The following COMMD1 variants were observed in gnomAD, a reference collection of about 807,000 sequenced individuals.
COMMD1 encodes the protein COMM domain-containing protein 1.
In COMMD1, 10 loss-of-function variants were observed where a neutral mutation model predicts 17.2. The ratio of observed to expected loss-of-function variants is 0.58; its 90% CI spans 0.36 to 0.99. The LOEUF (loss-of-function observed/expected upper bound fraction) is 0.99. Among genes scored for constraint, COMMD1 ranks in the 50% least tolerant of loss-of-function variants. The probability of loss-of-function intolerance (pLI) is 0.01; values close to 1 mark genes in which losing one functional copy is unlikely to be tolerated. For missense variants in COMMD1, 270 were observed against 231.8 expected, an observed-to-expected ratio of 1.17 and a Z score of -1.07; for synonymous variants, 97 against 91.6, an observed-to-expected ratio of 1.06 and a Z score of -0.34.
chr2:62,021,138 A>G (rs1669602696), intron 2 of COMMD1, among the ~76,000 whole-genome samples: 1 of 152,192 alleles, frequency 6.6e-6, no homozygotes, highest in African/African-American at 2.4e-5. Context: ...TGAATTTTAT[A>G]GCTGTGTCCT....
chr2:62,010,655 C>T (rs1240156695), intron 2 of COMMD1, among the ~76,000 whole-genome samples: 1 of 152,136 alleles, frequency 6.6e-6, no homozygotes, highest in Non-Finnish European at 1.5e-5. Flanking sequence ...GTTAGTGGCA[C>T]CTCCATTCTT....
chr2:61,892,240 A>G (rs1669450246), intron 1 of COMMD1, among the ~76,000 whole-genome samples: 1 of 152,024 alleles, frequency 6.6e-6, no homozygotes, highest in Non-Finnish European at 1.5e-5. Flanking sequence ...GAATGTTGGC[A>G]ATAACAATAC....
chr2:62,077,523 TCCCACAC>T (rs1398571733), intron 2 of COMMD1, among the ~76,000 whole-genome samples: 1 of 152,140 alleles, frequency 6.6e-6, no homozygotes. Flanking sequence ...TTGTATAGCC[TCCCACAC>T]ATCCCTATTA....
chr2:62,053,881 C>T (rs1239840782), intron 2 of COMMD1, among the ~76,000 whole-genome samples: 3 of 152,108 alleles, frequency 2.0e-5, no homozygotes, highest in African/African-American at 7.2e-5. Flanking sequence ...ACTTTCTGCA[C>T]AGCGAAAGAA....
chr2:61,955,392 C>G (rs1671172156), intron 1 of COMMD1, among the ~76,000 whole-genome samples: 1 of 152,016 alleles, frequency 6.6e-6, no homozygotes, highest in South Asian at 2.1e-4. Context: ...GTAGCTGGTA[C>G]TAGAGGCATG....
intron 2 of COMMD1, among the ~76,000 whole-genome samples, chr2:62,044,136 TTAAA>T (rs1670310822): frequency 6.6e-6 from 1 of 152,240 alleles, no homozygotes; most frequent in South Asian, 2.1e-4. Flanking sequence ...CTTGTTTATG[TTAAA>T]TATGTCAGTA....
At chr2:61,908,955 G>T (rs1239393458) in intron 1 of COMMD1, among the ~76,000 whole-genome samples, 1 of 151,850 alleles carries the variant, frequency 6.6e-6, no homozygotes, top group African/African-American at 2.4e-5. Context: ...ACGGAGTATC[G>T]CTCTTGTTGC....
At chr2:61,922,870 C>T (rs1042059872) in intron 1 of COMMD1, among the ~76,000 whole-genome samples, 1 of 152,214 alleles carries the variant, frequency 6.6e-6, no homozygotes, top group African/African-American at 2.4e-5. Context: ...TCCATAGAAC[C>T]ACCATTGACT....
Position 61,905,689 on chromosome 2 carries a change from G to C in COMMD1, c.11G>C (p.Gly4Ala). 6.4e-7 allele frequency: 1 copy of C among 1,566,048 alleles called. No homozygotes were observed. Among genetic ancestry groups the C allele is most frequent in the Non-Finnish European group, 8.7e-7 (1 of 1,153,442 alleles). Reference protein sequence around the residue: MAAGELEGGKPLSG... With the variant: MAAAELEGGKPLSG... ...GGGCCTTCGCAGAGCATGGCGGCGG[G>C]CGAGCTTGAGGGTGGCAAACCCCTG... The change falls in exon 1 of 3, where the codon GGC (glycine) becomes GCC (alanine). Residue 4 changes from glycine (G) to alanine (A), a missense_variant. Physicochemically the swap from Gly to Ala is moderately conservative, Grantham distance 60 (BLOSUM62 0). Coordinates refer to ENST00000311832, the MANE Select transcript of COMMD1 (RefSeq NM_152516.4).
At chr2:61,949,876 C>T (rs968767515) in intron 1 of COMMD1, among the ~76,000 whole-genome samples, 13 of 152,240 alleles carry the variant, frequency 8.5e-5, no homozygotes, top group African/African-American at 3.1e-4. Context: ...ATCTCAGGCC[C>T]CCAGGCCACT....
chr2:62,030,671 T>G (rs533498721), intron 2 of COMMD1, among the ~76,000 whole-genome samples: 114 of 152,344 alleles, frequency 7.5e-4, no homozygotes, highest in African/African-American at 2.6e-3. Context: ...AACATCACTT[T>G]TTATCTCTTT....
intron 2 of COMMD1, among the ~76,000 whole-genome samples, chr2:62,115,433 C>A (rs1258850114): frequency 6.6e-6 from 1 of 152,052 alleles, no homozygotes; most frequent in Non-Finnish European, 1.5e-5. Context: ...TTAATCTAGG[C>A]CTTGAAAGAT....
chr2:62,005,528 G>A (rs1161225130), intron 2 of COMMD1, among the ~76,000 whole-genome samples: 1 of 152,130 alleles, frequency 6.6e-6, no homozygotes, highest in African/African-American at 2.4e-5. Context: ...CAAAAAGTGG[G>A]CAAAGGATAT....
intron 2 of COMMD1, among the ~76,000 whole-genome samples, chr2:62,042,571 C>T (rs1031405667): frequency 1.3e-5 from 2 of 152,118 alleles, no homozygotes; most frequent in Non-Finnish European, 2.9e-5. Flanking sequence ...CCCGCGAGCG[C>T]CGAGCGCAGC....
intron 1 of COMMD1, among the ~76,000 whole-genome samples, chr2:61,979,674 A>G (rs965006039): frequency 3.9e-5 from 6 of 152,116 alleles, no homozygotes; most frequent in African/African-American, 1.4e-4. Context: ...CTTCCCACCA[A>G]CAGTGTACAA....
intron 2 of COMMD1, among the ~76,000 whole-genome samples, chr2:62,012,839 A>T (rs1669324354): frequency 6.6e-6 from 1 of 152,204 alleles, no homozygotes; most frequent in South Asian, 2.1e-4. Context: ...AGAAATTAAG[A>T]TGCCCAGACC....
chr2:62,021,278 C>T (rs1669608216), intron 2 of COMMD1, among the ~76,000 whole-genome samples: 2 of 152,138 alleles, frequency 1.3e-5, no homozygotes, highest in African/African-American at 4.8e-5. Context: ...GTTCTGGCTC[C>T]TTTTTGTTCA....
chr2:62,081,253 ATT>A (rs34994117), intron 2 of COMMD1, among the ~76,000 whole-genome samples: 11 of 141,486 alleles, frequency 7.8e-5, no homozygotes, highest in African/African-American at 7.8e-5. Flanking sequence ...CTCAATCTAG[ATT>A]TTTTTTTTTT....
intron 2 of COMMD1, among the ~76,000 whole-genome samples, chr2:62,127,310 T>C (rs936337687): frequency 2.0e-5 from 3 of 152,180 alleles, no homozygotes; most frequent in African/African-American, 7.2e-5. Context: ...CCCAAAGTAA[T>C]TTATAGATTC....
Sources: allele counts gnomAD v4.1 joint callset (sites outside exome capture counted in the v4.1 genomes callset), GRCh38; gene constraint gnomAD v4.1.1; transcripts MANE v1.5; gene names NCBI Gene and HGNC (gene_info 2026-07-23, HGNC 2026-07-21).